UNC5D: variants seen among roughly 807,000 people sequenced by gnomAD.
UNC5D encodes the protein unc-5 netrin receptor D.
Under a neutral mutation model 105.4 loss-of-function variants are expected in UNC5D, and 39 were observed. The ratio of observed to expected loss-of-function variants is 0.37; its 90% CI spans 0.29 to 0.48. The LOEUF is 0.48. UNC5D is among the 20% of genes least tolerant of loss of function. The probability of loss-of-function intolerance (pLI) is 0.98; values close to 1 mark genes in which losing one functional copy is unlikely to be tolerated. For synonymous variants in UNC5D, 452 were observed against 450.4 expected, an observed-to-expected ratio of 1.00 and a Z score of -0.04; for missense variants, 991 against 1,202.4, an observed-to-expected ratio of 0.82 and a Z score of 2.60.
At chr8:35,362,658 C>T (rs764828186) in intron 1 of UNC5D, among the ~76,000 whole-genome samples, 34 of 152,084 alleles carry the variant, frequency 2.2e-4, no homozygotes, top group Non-Finnish European at 2.6e-4. Context: ...TGTCTCATTC[C>T]CCAAACTGAC....
chr8:35,410,635 A>G (rs1805104919), intron 1 of UNC5D, among the ~76,000 whole-genome samples: 1 of 152,118 alleles, frequency 6.6e-6, no homozygotes, highest in Non-Finnish European at 1.5e-5. Context: ...AATCTTACCC[A>G]GAAACACAGT....
intron 1 of UNC5D, among the ~76,000 whole-genome samples, chr8:35,320,439 C>T (rs921839009): frequency 6.6e-6 from 1 of 152,084 alleles, no homozygotes; most frequent in African/African-American, 2.4e-5. Context: ...AGATGCCACA[C>T]TCTTAGTTAA....
intron 1 of UNC5D, among the ~76,000 whole-genome samples, chr8:35,303,081 C>T (rs533475470): frequency 3.9e-5 from 6 of 152,032 alleles, no homozygotes; most frequent in Non-Finnish European, 8.8e-5. Flanking sequence ...ATTATGTCAA[C>T]ATATAATCAA....
chr8:35,280,718 G>A (rs1806089200), intron 1 of UNC5D, among the ~76,000 whole-genome samples: 1 of 152,132 alleles, frequency 6.6e-6, no homozygotes, highest in Non-Finnish European at 1.5e-5. Flanking sequence ...TACTACTGCT[G>A]CCTCTTTTCA....
chr8:35,494,963 C>T (rs1486538652), intron 1 of UNC5D, among the ~76,000 whole-genome samples: 2 of 152,046 alleles, frequency 1.3e-5, no homozygotes, highest in Admixed American at 6.6e-5. Flanking sequence ...TTCTTCTCCA[C>T]AGGGTGGCCT....
At chr8:35,393,179 C>T (rs898492786) in intron 1 of UNC5D, among the ~76,000 whole-genome samples, 2 of 123,122 alleles carry the variant, frequency 1.6e-5, no homozygotes, top group African/African-American at 6.1e-5. Context: ...GTCGCCCAGG[C>T]TGGAGTGCAG....
intron 1 of UNC5D, among the ~76,000 whole-genome samples, chr8:35,497,282 C>T (rs778297220): frequency 6.6e-6 from 1 of 152,102 alleles, no homozygotes; most frequent in Non-Finnish European, 1.5e-5. Flanking sequence ...AGGGAAGGCA[C>T]CTCTGGAATG....
intron 14 of UNC5D, among the ~76,000 whole-genome samples, chr8:35,760,981 G>A (rs762901262): frequency 6.6e-5 from 10 of 152,142 alleles, no homozygotes; most frequent in South Asian, 2.1e-4. Flanking sequence ...GGAATTGCCC[G>A]TCTGTACAGT....
chr8:35,516,697 G>GTTCCTTC (rs985697492), intron 1 of UNC5D, among the ~76,000 whole-genome samples: 3 of 152,060 alleles, frequency 2.0e-5, no homozygotes, highest in African/African-American at 7.2e-5. Flanking sequence ...CAGTCTCTGG[G>GTTCCTTC]TTCCTTCTTC....
Position 35,763,584 on chromosome 8 carries a change from A to G in UNC5D, c.2314-3318A>G, listed in dbSNP as rs1046350000. Among the ~76,000 whole-genome samples, 3 of 151,942 alleles carry G rather than the reference A, an allele frequency of 2.0e-5. No individual in the cohort carries two copies. In the East Asian group the frequency reaches 5.8e-4, roughly 29 times the overall value. ...GAAGTCCAAGTGCTTGCATTACACTATAATAACTCAAATTTCAATTTTAGG... is the reference window on the plus strand; with the variant it reads ...GAAGTCCAAGTGCTTGCATTACACTGTAATAACTCAAATTTCAATTTTAGG... On this transcript the variant is annotated intron_variant, in intron 14 of 16. Coordinates refer to ENST00000404895, the MANE Select transcript of UNC5D (RefSeq NM_080872.4).
intron 2 of UNC5D, among the ~76,000 whole-genome samples, chr8:35,563,542 A>G (rs948692990): frequency 2.0e-5 from 3 of 152,130 alleles, no homozygotes; most frequent in Non-Finnish European, 4.4e-5. Flanking sequence ...TTTTCTAAAT[A>G]TAAGATCAAG....
chr8:35,418,422 ATTG>A (rs1805666071), intron 1 of UNC5D, among the ~76,000 whole-genome samples: 1 of 152,130 alleles, frequency 6.6e-6, no homozygotes, highest in Admixed American at 6.6e-5. Flanking sequence ...TTTTGAGCAT[ATTG>A]TTGTTAATCC....
At chr8:35,780,547 A>G (rs1802457226) in intron 16 of UNC5D, among the ~76,000 whole-genome samples, 1 of 152,176 alleles carries the variant, frequency 6.6e-6, no homozygotes, top group Admixed American at 6.5e-5. Context: ...AGAGTCCTAG[A>G]GCCATGTTCC....
chr8:35,640,048 C>G (rs1822618337), intron 4 of UNC5D, among the ~76,000 whole-genome samples: 1 of 152,018 alleles, frequency 6.6e-6, no homozygotes, highest in South Asian at 2.1e-4. Context: ...AAATAATGTA[C>G]AAGCACATGG....
intron 1 of UNC5D, among the ~76,000 whole-genome samples, chr8:35,476,044 A>G (rs1282366068): frequency 6.6e-6 from 1 of 152,232 alleles, no homozygotes; most frequent in Admixed American, 6.6e-5. Context: ...CGTATATTGC[A>G]CACAAAAAGA....
At chr8:35,658,982 T>G (rs910630002) in intron 4 of UNC5D, among the ~76,000 whole-genome samples, 3 of 152,140 alleles carry the variant, frequency 2.0e-5, no homozygotes, top group African/African-American at 7.2e-5. Context: ...AATGTCTGAT[T>G]GCATAGAAAA....
intron 1 of UNC5D, among the ~76,000 whole-genome samples, chr8:35,295,037 G>T (rs1228252339): frequency 3.3e-5 from 5 of 152,292 alleles, no homozygotes; most frequent in Middle Eastern, 3.4e-3. Flanking sequence ...GATATTTTAA[G>T]TGTATGCTTG....
At chr8:35,341,127 T>C (rs984140036) in intron 1 of UNC5D, among the ~76,000 whole-genome samples, 1 of 152,156 alleles carries the variant, frequency 6.6e-6, no homozygotes, top group Admixed American at 6.6e-5. Flanking sequence ...TCATTCAATT[T>C]TGGTGAGATA....
At chr8:35,774,680 C>T (rs1349902807) in intron 16 of UNC5D, among the ~76,000 whole-genome samples, 9 of 152,074 alleles carry the variant, frequency 5.9e-5, no homozygotes, top group Non-Finnish European at 1.3e-4. Flanking sequence ...GCCTGAAATC[C>T]CAGCACTTTG....
Sources: gnomAD v4.1 joint callset for allele counts (sites outside exome capture counted in the v4.1 genomes callset) on GRCh38, gnomAD v4.1.1 for gene constraint, MANE v1.5 for transcripts, NCBI Gene and HGNC (gene_info 2026-07-23, HGNC 2026-07-21) for gene names.